Variants in MGAT5 observed in about 807,000 individuals in gnomAD.
MGAT5 encodes the protein alpha-1,6-mannosylglycoprotein 6-beta-N-acetylglucosaminyltransferase A.
Under a neutral mutation model 94.3 loss-of-function variants are expected in MGAT5, and 30 were observed. The ratio of observed to expected loss-of-function variants is 0.32; its 90% confidence interval spans 0.24 to 0.43. MGAT5 has a LOEUF of 0.43. Ranked by LOEUF, MGAT5 falls within the 20% of genes least tolerant of loss-of-function variation. MGAT5 has a pLI of 1.00. For synonymous variants in MGAT5, 310 were observed against 322.9 expected, an observed-to-expected ratio of 0.96 and a Z score of 0.43; for missense variants, 691 against 905.5, an observed-to-expected ratio of 0.76 and a Z score of 3.04.
intron 1 of MGAT5, among the ~76,000 whole-genome samples, chr2:134,152,378 C>T (rs1329317599): frequency 2.1e-4 from 31 of 147,024 alleles, no homozygotes; most frequent in Admixed American, 2.1e-3. Context: ...GACCCGCCCA[C>T]CGCCATGGGA....
chr2:134,263,030 A>G (rs773150806), intron 1 of MGAT5, among the ~76,000 whole-genome samples: 3 of 152,182 alleles, frequency 2.0e-5, no homozygotes, highest in Non-Finnish European at 2.9e-5. Flanking sequence ...CTTTGGATCT[A>G]ACCAGGGCAT....
In MGAT5 at chr2:134,448,614, A is replaced by G. The variant is rs779721442; in HGVS notation, c.2028-35A>G. ...TGACGAGGAAAGGCTCTGTCCCTTC[A>G]TCACCAACACTTGTGCCTTTCTCTT... On this transcript the variant is annotated intron_variant, in intron 15 of 15. Transcript: ENST00000281923. The G allele has an allele frequency of 6.2e-6, 10 of 1,603,960 alleles. No individual in the cohort carries two copies. The South Asian group carries it at 6.6e-5, about 11-fold the overall frequency.
At chr2:134,247,832 T>G (rs1324263569) in intron 1 of MGAT5, among the ~76,000 whole-genome samples, 1 of 152,108 alleles carries the variant, frequency 6.6e-6, no homozygotes. Context: ...GATTTTCAGG[T>G]TTTTGATGCA....
intron 1 of MGAT5, among the ~76,000 whole-genome samples, chr2:134,255,273 G>C (rs1467374535): frequency 6.6e-6 from 1 of 151,644 alleles, no homozygotes; most frequent in Non-Finnish European, 1.5e-5. Context: ...TTTGAAATCA[G>C]AAAGAGTAAA....
chr2:134,452,798 T>C lies in MGAT5; in HGVS notation c.*3951T>C, dbSNP rs1258958940. 1 of 152,266 alleles carries C rather than the reference T, an allele frequency of 6.6e-6. No individual in the cohort carries two copies. Among genetic ancestry groups the C allele is most frequent in the East Asian group, 1.9e-4 (1 of 5,198 alleles). The allele number at this position is 152,266 out of a possible 1,614,324, so 9.4% of individuals were successfully genotyped here. On this transcript the variant is annotated 3_prime_UTR_variant, in exon 16 of 16. Transcript: ENST00000281923. ...TTTAATTTCCATATTGGCTTTATTC[T>C]AATCCCATCCATCCCTGTGGAGCTG...
chr2:134,361,061 C>T (rs1295127641), intron 9 of MGAT5, among the ~76,000 whole-genome samples: 13 of 152,214 alleles, frequency 8.5e-5, no homozygotes, highest in Non-Finnish European at 1.5e-5. Context: ...GGCTGGGCAT[C>T]GGAGTCCTAG....
At chr2:134,131,036 A>G (rs1293934830) in intron 1 of MGAT5, among the ~76,000 whole-genome samples, 1 of 152,184 alleles carries the variant, frequency 6.6e-6, no homozygotes, top group Non-Finnish European at 1.5e-5. Flanking sequence ...ATAGTGTGGA[A>G]GCTTTGTTCT....
chr2:134,423,503 A>G (rs535938693), intron 13 of MGAT5, among the ~76,000 whole-genome samples: 1 of 152,262 alleles, frequency 6.6e-6, no homozygotes, highest in South Asian at 2.1e-4. Context: ...CTTCCCACCT[A>G]TCAGAAGTTT....
intron 14 of MGAT5, among the ~76,000 whole-genome samples, chr2:134,435,880 C>T (rs1426071944): frequency 3.3e-5 from 5 of 152,156 alleles, no homozygotes; most frequent in Admixed American, 2.6e-4. Flanking sequence ...ACAGAGGATT[C>T]CCAGCCTTCT....
chr2:134,422,456 G>A (rs752782977), intron 12 of MGAT5, among the ~76,000 whole-genome samples: 1 of 152,114 alleles, frequency 6.6e-6, no homozygotes, highest in African/African-American at 2.4e-5. Context: ...TCTTAGCCAG[G>A]AGAATAGATA....
At chr2:134,202,676 G>C (rs781435798) in intron 1 of MGAT5, among the ~76,000 whole-genome samples, 16 of 152,236 alleles carry the variant, frequency 1.1e-4, no homozygotes, top group Non-Finnish European at 2.4e-4. Flanking sequence ...GGACTTGTGA[G>C]ATAAGCAGTG....
intron 11 of MGAT5, among the ~76,000 whole-genome samples, chr2:134,404,445 G>T (rs1175785698): frequency 1.3e-5 from 2 of 152,232 alleles, no homozygotes; most frequent in Non-Finnish European, 2.9e-5. Flanking sequence ...TTTTGAACAT[G>T]AGGAAATAGG....
intron 10 of MGAT5, among the ~76,000 whole-genome samples, chr2:134,390,404 G>GCA (rs1265975987): frequency 2.6e-5 from 4 of 152,158 alleles, no homozygotes; most frequent in African/African-American, 9.7e-5. Flanking sequence ...TGCACAACGT[G>GCA]CAGGTTTGTT....
intron 1 of MGAT5, among the ~76,000 whole-genome samples, chr2:134,255,310 T>C (rs1668133191): frequency 6.6e-6 from 1 of 152,096 alleles, no homozygotes; most frequent in South Asian, 2.1e-4. Flanking sequence ...ATGTAACTTA[T>C]TTTTCTTTTA....
chr2:134,209,545 T>TGAGATATCATC (rs1680213917), intron 1 of MGAT5, among the ~76,000 whole-genome samples: 1 of 3,366 alleles, frequency 3.0e-4, no homozygotes, highest in African/African-American at 4.3e-3. Context: ...CTGCATAGTA[T>TGAGATATCATC]TCCATGGTGT....
intron 1 of MGAT5, among the ~76,000 whole-genome samples, chr2:134,167,996 G>A (rs1688035089): frequency 6.6e-6 from 1 of 152,182 alleles, no homozygotes; most frequent in African/African-American, 2.4e-5. Flanking sequence ...ACACCTGTCT[G>A]ACAAAGTAGC....
chr2:134,340,852 T>C (rs570949428), intron 6 of MGAT5, among the ~76,000 whole-genome samples: 1 of 152,292 alleles, frequency 6.6e-6, no homozygotes, highest in African/African-American at 2.4e-5. Flanking sequence ...CCAAGAGACA[T>C]ATGAGGCAAT....
chr2:134,386,610 C>T (rs1264202563), intron 10 of MGAT5, among the ~76,000 whole-genome samples: 1 of 152,198 alleles, frequency 6.6e-6, no homozygotes, highest in African/African-American at 2.4e-5. Flanking sequence ...GGCCTCAATT[C>T]ACTTAGGAGG....
intron 12 of MGAT5, among the ~76,000 whole-genome samples, chr2:134,422,004 CA>C (rs34234717): frequency 0.096 from 12,347 of 128,312 alleles, 544 homozygotes; most frequent in Middle Eastern, 0.21. Flanking sequence ...CGTGTGTATA[CA>C]AAAAAAAAAA....
Sources: allele counts gnomAD v4.1 joint callset (sites outside exome capture counted in the v4.1 genomes callset), GRCh38; gene constraint gnomAD v4.1.1; transcripts MANE v1.5; gene names NCBI Gene and HGNC (gene_info 2026-07-23, HGNC 2026-07-21).